CRYBG1: variants seen among roughly 807,000 people sequenced by gnomAD.
CRYBG1 encodes the protein beta/gamma crystallin domain-containing protein 1.
In CRYBG1, 139 loss-of-function variants were observed where a neutral mutation model predicts 189.2. The observed-to-expected ratio is 0.73, with a 90% confidence interval of 0.64 to 0.85. CRYBG1 has a LOEUF of 0.85. Ranked by LOEUF, CRYBG1 falls within the 40% of genes least tolerant of loss-of-function variation. The pLI is 0.00. For missense variants in CRYBG1, 2,611 were observed against 2,675.8 expected (o/e 0.98, Z 0.53); for synonymous variants, 1,023 against 1,017.1 (o/e 1.01, Z -0.11).
chr6:106,509,501 G>A (rs897544344), intron 2 of CRYBG1, among the ~76,000 whole-genome samples: 1 of 152,142 alleles, frequency 6.6e-6, no homozygotes, highest in Non-Finnish European at 1.5e-5. Context: ...GGGTACAAGA[G>A]CTCCGAGCGG....
chr6:106,363,722 A>T (rs992226644), intron 1 of CRYBG1, among the ~76,000 whole-genome samples: 8 of 152,184 alleles, frequency 5.3e-5, no homozygotes, highest in African/African-American at 1.9e-4. Flanking sequence ...AAATGAATTT[A>T]TCTACTAGCT....
intron 1 of CRYBG1, among the ~76,000 whole-genome samples, chr6:106,425,827 C>T (rs1771214024): frequency 6.6e-6 from 1 of 152,058 alleles, no homozygotes; most frequent in Non-Finnish European, 1.5e-5. Flanking sequence ...TCAGTAGAGA[C>T]AGGGTTTCAC....
Position 106,436,582 on chromosome 6 carries a change from C to G in CRYBG1, c.174-15112C>G, listed in dbSNP as rs1400955675. ...GTGCTGAGATTAAGGCGTGAGCCAA[C>G]GCGCCCGGCCGCAATCTTATTCTAC... On this transcript the variant is annotated intron_variant, in intron 1 of 21. Coordinates refer to ENST00000633556, the MANE Select transcript of CRYBG1 (RefSeq NM_001371242.2). Among the ~76,000 whole-genome samples the G allele has an allele frequency of 4.5e-5, 5 of 110,714 alleles. No homozygotes were observed. The East Asian group carries it at 1.2e-3, about 27-fold the overall frequency. The allele number at this position is 110,714 out of a possible 152,430, so 72.6% of individuals were successfully genotyped here.
At chr6:106,549,087 G>A (rs1353077259) in intron 13 of CRYBG1, among the ~76,000 whole-genome samples, 5 of 151,886 alleles carry the variant, frequency 3.3e-5, no homozygotes, top group Non-Finnish European at 4.4e-5. Context: ...CATTTTTTAT[G>A]GCTGCATAGT....
intron 7 of CRYBG1, among the ~76,000 whole-genome samples, chr6:106,529,730 G>A (rs1339989479): frequency 6.6e-6 from 1 of 152,132 alleles, no homozygotes; most frequent in Non-Finnish European, 1.5e-5. Context: ...ACTCAGTCAA[G>A]GAGAGTTACC....
intron 2 of CRYBG1, among the ~76,000 whole-genome samples, chr6:106,460,198 A>G (rs971154843): frequency 6.6e-6 from 1 of 151,506 alleles, no homozygotes; most frequent in Non-Finnish European, 1.5e-5. Context: ...TCACTATGTT[A>G]GCCAGGATGG....
At chr6:106,511,407 T>C in intron 2 of CRYBG1, 23 bp from the exon 3 acceptor site, 7 of 1,521,528 alleles carry the variant, frequency 4.6e-6, no homozygotes, top group East Asian at 2.5e-5. Flanking sequence ...ATATGTTCCC[T>C]CCTCATCCCT....
chr6:106,542,975 A>T (rs1774168331), intron 10 of CRYBG1, among the ~76,000 whole-genome samples: 1 of 110,038 alleles, frequency 9.1e-6, no homozygotes, highest in African/African-American at 3.2e-5. Flanking sequence ...ATATGATTAG[A>T]ACATTTTATT....
At chr6:106,370,062 A>G (rs1769986642) in intron 1 of CRYBG1, among the ~76,000 whole-genome samples, 1 of 152,238 alleles carries the variant, frequency 6.6e-6, no homozygotes, top group Non-Finnish European at 1.5e-5. Context: ...AGTAGAAATT[A>G]AAATACATAT....
chr6:106,418,770 A>G (rs1025221474), intron 1 of CRYBG1, among the ~76,000 whole-genome samples: 3 of 152,246 alleles, frequency 2.0e-5, no homozygotes, highest in Non-Finnish European at 2.9e-5. Context: ...GGACATGGAC[A>G]CACATGTGGA....
intron 1 of CRYBG1, among the ~76,000 whole-genome samples, chr6:106,413,803 T>C (rs115218430): frequency 0.012 from 1,897 of 152,338 alleles, 33 homozygotes; most frequent in African/African-American, 0.043. Context: ...GCCTCGTTTT[T>C]AAACATTCTG....
chr6:106,364,444 T>C (rs1771943186), intron 1 of CRYBG1, among the ~76,000 whole-genome samples: 1 of 152,272 alleles, frequency 6.6e-6, no homozygotes, highest in Admixed American at 6.5e-5. Context: ...GACATTCTAA[T>C]CAATTATTTC....
chr6:106,480,396 G>A (rs1772421753), intron 2 of CRYBG1, among the ~76,000 whole-genome samples: 1 of 151,926 alleles, frequency 6.6e-6, no homozygotes, highest in African/African-American at 2.4e-5. Context: ...CGGGCGCGGT[G>A]GCTCACACCT....
chr6:106,563,390 C>G (rs950107377), intron 20 of CRYBG1, among the ~76,000 whole-genome samples: 2 of 152,060 alleles, frequency 1.3e-5, no homozygotes, highest in East Asian at 1.9e-4. Context: ...TCAGGCCAAG[C>G]AGAGGTGGAG....
intron 1 of CRYBG1, among the ~76,000 whole-genome samples, chr6:106,410,511 A>G (rs1044392088): frequency 6.6e-6 from 1 of 152,246 alleles, no homozygotes; most frequent in African/African-American, 2.4e-5. Context: ...TGACCCAGCA[A>G]TCCCATTACT....
chr6:106,422,584 C>CT (rs1771151008), intron 1 of CRYBG1, among the ~76,000 whole-genome samples: 1 of 13,938 alleles, frequency 7.2e-5, no homozygotes, highest in Non-Finnish European at 1.1e-4. Flanking sequence ...CCACCCCCCT[C>CT]CCAGCCTCCC....
Position 106,555,911 on chromosome 6 carries a change from T to G in CRYBG1, c.5715+14T>G. 2.5e-6 allele frequency: 4 copies of G among 1,614,100 alleles called. No individual in the cohort carries two copies. Among genetic ancestry groups the G allele is most frequent in the Non-Finnish European group, 3.4e-6 (4 of 1,179,942 alleles). On this transcript the variant is annotated intron_variant, in intron 17 of 21. Transcript: ENST00000633556. Reference sequence around the variant, plus strand: ...TTTATAGATGTTGTAAGTATGTCATTGTGAATAGTGTTGCAGAAATGTATG... The same window carrying G: ...TTTATAGATGTTGTAAGTATGTCATGGTGAATAGTGTTGCAGAAATGTATG...
chr6:106,518,244 T>C (rs1038267255), intron 3 of CRYBG1, among the ~76,000 whole-genome samples: 1 of 152,224 alleles, frequency 6.6e-6, no homozygotes, highest in Admixed American at 6.5e-5. Context: ...GGATTATCAG[T>C]GATTTTTAAA....
Position 106,501,181 on chromosome 6 carries a change from G to A in CRYBG1, c.313-10249G>A, listed in dbSNP as rs955666726. ...AATATACAAATATATATGCAATATG[G>A]TTCAGGTAATGTTAAGTGCTATGAA... On this transcript the variant is annotated intron_variant, in intron 2 of 21. Transcript: ENST00000633556. 2.0e-5 allele frequency among the ~76,000 whole-genome samples: 3 copies of A among 152,168 alleles called. No homozygotes were observed. The East Asian group carries it at 5.8e-4, about 29-fold the overall frequency.
Sources: allele counts gnomAD v4.1 joint callset (sites outside exome capture counted in the v4.1 genomes callset), GRCh38; gene constraint gnomAD v4.1.1; transcripts MANE v1.5; gene names NCBI Gene and HGNC (gene_info 2026-07-23, HGNC 2026-07-21).